The following XXYLT1 variants were observed in gnomAD, a reference collection of about 807,000 sequenced individuals.
The protein encoded by XXYLT1 is UDP-xylose:alpha-xyloside alpha-1,3-xylosyltransferase.
A neutral mutation model predicts 28.9 loss-of-function variants in XXYLT1; 20 were observed. That is an observed-to-expected ratio of 0.69 (90% confidence interval 0.49 to 1.00). The LOEUF is 1.00. XXYLT1 is among the 50% of genes least tolerant of loss of function. XXYLT1 has a pLI of 0.00. For missense variants in XXYLT1, 542 were observed against 560.1 expected, an observed-to-expected ratio of 0.97 and a Z score of 0.33; for synonymous variants, 257 against 253.8, an observed-to-expected ratio of 1.01 and a Z score of -0.12.
At chr3:195,202,001 A>C (rs962876572) in intron 2 of XXYLT1, among the ~76,000 whole-genome samples, 1 of 152,038 alleles carries the variant, frequency 6.6e-6, no homozygotes, top group Non-Finnish European at 1.5e-5. Context: ...ACATGGAGAA[A>C]CCCCGTCTCT....
rs1274222294 is a variant in XXYLT1 at position 195,068,960 on chromosome 3, T to C, written c.*755A>G. 1 of 152,198 alleles carries C rather than the reference T, an allele frequency of 6.6e-6. No homozygotes were observed. The highest frequency in any genetic ancestry group is 1.5e-5 in the Non-Finnish European group (1 of 68,060). The allele number at this position is 152,198 out of a possible 1,614,324, so 9.4% of individuals were successfully genotyped here. Reference sequence around the variant, plus strand: ...GTGGTGGCCAGTCTCTGTTCTTTGATGACGAATTTGCTTTCTGAGTAGAGT... The same window carrying C: ...GTGGTGGCCAGTCTCTGTTCTTTGACGACGAATTTGCTTTCTGAGTAGAGT... On this transcript the variant is annotated 3_prime_UTR_variant, in exon 4 of 4. Coordinates refer to ENST00000310380, the MANE Select transcript of XXYLT1 (RefSeq NM_152531.5).
In XXYLT1 at chr3:195,270,673, G is replaced by A. The variant is rs565205225; in HGVS notation, c.386C>T (p.Ala129Val). The change falls in exon 1 of 4, where the codon GCC becomes GTC. Residue 129 changes from alanine to valine, a missense_variant. Coordinates refer to ENST00000310380, the MANE Select transcript of XXYLT1 (RefSeq NM_152531.5). ...RVALRSLLRL[A>V]KFEAHEVLNL... The stretch of plus-strand genomic sequence containing the variant: ...AAGCACCTCGTGCGCCTCGAACTTG[G>A]CGAGGCGCAGCAGTGAGCGCAGCGC... The A allele has an allele frequency of 1.3e-6, 2 of 1,584,766 alleles. No individual in the cohort carries two copies. Among genetic ancestry groups the A allele is most frequent in the East Asian group, 2.4e-5 (1 of 41,760 alleles).
chr3:195,243,490 C>A (rs537863803), intron 1 of XXYLT1, among the ~76,000 whole-genome samples: 7 of 151,492 alleles, frequency 4.6e-5, no homozygotes, highest in Admixed American at 2.0e-4. Context: ...AATAGCCATG[C>A]CCGAATCTAA....
chr3:195,139,180 G>C (rs767800091), intron 3 of XXYLT1, among the ~76,000 whole-genome samples: 1 of 152,224 alleles, frequency 6.6e-6, no homozygotes, highest in Non-Finnish European at 1.5e-5. Flanking sequence ...TCATCAGTTA[G>C]TTTGGGGACA....
intron 1 of XXYLT1, among the ~76,000 whole-genome samples, chr3:195,245,970 C>T (rs1316567727): frequency 1.3e-5 from 2 of 152,196 alleles, no homozygotes; most frequent in Non-Finnish European, 2.9e-5. Flanking sequence ...GCCAATTACA[C>T]CTCTTTTTAA....
At chr3:195,106,901 G>A (rs1020036428) in intron 3 of XXYLT1, among the ~76,000 whole-genome samples, 6 of 104 alleles carry the variant, frequency 0.058, no homozygotes. Flanking sequence ...GGGGGTGACG[G>A]GGGGAGGAGA....
chr3:195,080,815 G>T (rs769741757), intron 3 of XXYLT1, among the ~76,000 whole-genome samples: 36 of 152,206 alleles, frequency 2.4e-4, no homozygotes, highest in African/African-American at 8.4e-4. Context: ...CATGGGAGGG[G>T]GTGTTCCAAC....
intron 1 of XXYLT1, among the ~76,000 whole-genome samples, chr3:195,234,001 C>T (rs963527657): frequency 1.6e-4 from 24 of 152,102 alleles, no homozygotes; most frequent in African/African-American, 5.3e-4. Flanking sequence ...ACTGCAAGCT[C>T]CGCCTCCCAG....
chr3:195,103,412 C>CCACACCAGCGGCCTGCGTCCATCACCT (rs1716911992), intron 3 of XXYLT1, among the ~76,000 whole-genome samples: 5 of 149,416 alleles, frequency 3.3e-5, no homozygotes, highest in African/African-American at 1.3e-4. Context: ...GTCCATCACC[C>CCACACCAGCGGCCTGCGTCCATCACCT]CACGCCAGCG....
chr3:195,144,877 G>T (rs1489564484), intron 3 of XXYLT1, among the ~76,000 whole-genome samples: 1 of 152,162 alleles, frequency 6.6e-6, no homozygotes, highest in Non-Finnish European at 1.5e-5. Flanking sequence ...CCTAAACCCT[G>T]CCAACATCTT....
In XXYLT1 at chr3:195,078,498, G is replaced by A. The variant is rs1715250108; in HGVS notation, c.786-8387C>T. 6.6e-6 allele frequency among the ~76,000 whole-genome samples: 1 copy of A among 152,020 alleles called. No individual in the cohort carries two copies. Among genetic ancestry groups the A allele is most frequent in the South Asian group, 2.1e-4 (1 of 4,820 alleles). ...TCTCGTGCCCTGGCCCTCTGGGCAC[G>A]AGATGTGTCCCACCAAGTTCCCTCC... On this transcript the variant is annotated intron_variant, in intron 3 of 3. Transcript: ENST00000310380. This position sits in a 1 kb window ranked among gnomAD's most constrained non-coding sequence, Gnocchi z 5.0.
At chr3:195,095,380 G>A (rs1009130224) in intron 3 of XXYLT1, 1 of 153,930 alleles carries the variant, frequency 6.5e-6, no homozygotes, top group African/African-American at 2.4e-5. Flanking sequence ...CACGGCAGGT[G>A]GGTGATGTGG....
chr3:195,208,229 A>G (rs771679308), intron 2 of XXYLT1, among the ~76,000 whole-genome samples: 12 of 152,062 alleles, frequency 7.9e-5, no homozygotes, highest in Non-Finnish European at 1.3e-4. Flanking sequence ...GTGTTTGTAC[A>G]TTTATGTAAA....
rs1725994969 is a variant in XXYLT1, at chr3:195,270,711, G to A, written c.348C>T (p.Ala116=). The change falls in exon 1 of 4, where the codon GCC becomes GCT. Residue 116 remains alanine (A), a synonymous_variant. Transcript: ENST00000310380. Reference sequence around the variant, plus strand: ...GTGAGCGCAGCGCGACGCGGGCCTTGGCCTGCAGCGCGGCATTGTGCTCCG... The same window carrying A: ...GTGAGCGCAGCGCGACGCGGGCCTTAGCCTGCAGCGCGGCATTGTGCTCCG... ...TKAEHNAALQ[A]KARVALRSLL... The A allele has an allele frequency of 6.3e-7, 1 of 1,590,544 alleles. No homozygotes were observed. The highest frequency in any genetic ancestry group is 8.5e-7 in the Non-Finnish European group (1 of 1,172,842).
In XXYLT1 at chr3:195,243,359, T is replaced by TAA. The variant is rs550882445; in HGVS notation, c.505-16505_505-16504dup. 3.0e-3 allele frequency among the ~76,000 whole-genome samples: 426 copies of TAA among 140,948 alleles called. 2 individuals carry two copies. Among genetic ancestry groups the TAA allele is most frequent in the African/African-American group, 0.011 (405 of 38,418 alleles). 92.5% of individuals were successfully genotyped at this position (140,948 alleles called of 152,430 possible). The stretch of plus-strand genomic sequence containing the variant: ...ATGTACCCTAGAACTCAAAGTATAA[T>TAA]AAAAAAAAAAAGAGATGGTTCGGGG... On this transcript the variant is annotated intron_variant, in intron 1 of 3. Transcript: ENST00000310380.
At chr3:195,086,576 T>C (rs1297131194) in intron 3 of XXYLT1, among the ~76,000 whole-genome samples, 2 of 152,084 alleles carry the variant, frequency 1.3e-5, no homozygotes, top group African/African-American at 2.4e-5. Flanking sequence ...GGATGGGCCC[T>C]GTGAGGAAGG....
At chr3:195,269,627 C>T (rs1480707618) in intron 1 of XXYLT1, among the ~76,000 whole-genome samples, 2 of 152,178 alleles carry the variant, frequency 1.3e-5, no homozygotes, top group Non-Finnish European at 2.9e-5. Flanking sequence ...CCTGTAGGAT[C>T]CTGGCAACAG....
At chr3:195,117,158 G>C (rs1298385838) in intron 3 of XXYLT1, among the ~76,000 whole-genome samples, 1 of 122,898 alleles carries the variant, frequency 8.1e-6, no homozygotes, top group East Asian at 1.9e-4. Flanking sequence ...CTTCAGCTCA[G>C]CACTCCTACT....
At chr3:195,207,958 G>A (rs1723144767) in intron 2 of XXYLT1, among the ~76,000 whole-genome samples, 1 of 152,180 alleles carries the variant, frequency 6.6e-6, no homozygotes. Flanking sequence ...GCAAGGCTCA[G>A]AGAGAGAGAC....
Sources: gnomAD v4.1 joint callset for allele counts (sites outside exome capture counted in the v4.1 genomes callset) on GRCh38, gnomAD v4.1.1 for gene constraint, Gnocchi (gnomAD v3.1) non-coding constraint, MANE v1.5 for transcripts, NCBI Gene and HGNC (gene_info 2026-07-23, HGNC 2026-07-21) for gene names.